The following TBCD variants were observed in gnomAD, a reference collection of about 807,000 sequenced individuals.
The protein encoded by TBCD is tubulin folding cofactor D, also known as tubulin-specific chaperone D.
In TBCD, 105 loss-of-function variants were observed where a neutral mutation model predicts 169.3. The ratio of observed to expected loss-of-function variants is 0.62; its 90% CI spans 0.53 to 0.73. The LOEUF (loss-of-function observed/expected upper bound fraction) is 0.73. Among genes scored for constraint, TBCD ranks in the 30% least tolerant of loss-of-function variants. The pLI, the probability that TBCD is intolerant of heterozygous loss-of-function variation, is 0.00. For missense variants in TBCD, 1,444 were observed against 1,600.1 expected (o/e 0.90, Z 1.66); for synonymous variants, 700 against 643.9 (o/e 1.09, Z -1.32).
intron 2 of TBCD, among the ~76,000 whole-genome samples, chr17:82,762,429 T>G (rs1315257942): frequency 2.0e-5 from 3 of 151,932 alleles, no homozygotes; most frequent in Non-Finnish European, 4.4e-5. Context: ...AATTGCTGAG[T>G]AGCAGAAAGT....
intron 9 of TBCD, 58 bp from the exon 10 acceptor site, chr17:82,805,817 C>T (rs2050917966): frequency 3.2e-6 from 5 of 1,554,118 alleles, no homozygotes; most frequent in Non-Finnish European, 4.4e-6. Context: ...TGACTGGTTC[C>T]AGTCATCAGG....
chr17:82,935,977 G>C (rs953552291), intron 34 of TBCD, among the ~76,000 whole-genome samples: 1 of 152,220 alleles, frequency 6.6e-6, no homozygotes, highest in Non-Finnish European at 1.5e-5. Flanking sequence ...TCAGGCAGCT[G>C]TTTCGTTGTA....
chr17:82,809,798 A>C lies in TBCD; in HGVS notation c.1223+16A>C. On this transcript the variant is annotated intron_variant, in intron 12 of 38. Transcript: ENST00000355528. The stretch of plus-strand genomic sequence containing the variant: ...ACTGCTTCAGGTATGTGAGAAGAGC[A>C]GGGGAGGCGTGTGGGCCTGACCCTG... The C allele has an allele frequency of 6.2e-7, 1 of 1,612,334 alleles. No individual in the cohort carries two copies. The highest frequency in any genetic ancestry group is 2.2e-5 in the East Asian group (1 of 44,818).
At chr17:82,850,386 TG>T in intron 13 of TBCD, among the ~76,000 whole-genome samples, 1 of 150,924 alleles carries the variant, frequency 6.6e-6, no homozygotes, top group Non-Finnish European at 1.5e-5. Flanking sequence ...TTGTTGGCTG[TG>T]CTGTTGTTGG....
At chr17:82,877,343 A>G (rs1438364425) in intron 14 of TBCD, among the ~76,000 whole-genome samples, 1 of 152,202 alleles carries the variant, frequency 6.6e-6, no homozygotes, top group Non-Finnish European at 1.5e-5. Context: ...AATAGCAGTT[A>G]TATAACTTTT....
intron 13 of TBCD, among the ~76,000 whole-genome samples, chr17:82,823,922 C>T (rs774757764): frequency 2.6e-5 from 4 of 152,012 alleles, no homozygotes; most frequent in African/African-American, 4.8e-5. Context: ...AGAAGTCACT[C>T]GCCCCTGATG....
intron 13 of TBCD, among the ~76,000 whole-genome samples, chr17:82,846,335 G>A (rs1352206831): frequency 8.0e-5 from 12 of 150,350 alleles, no homozygotes; most frequent in African/African-American, 3.0e-4. Flanking sequence ...GTGTCCTCTC[G>A]TCCAGCCCTC....
intron 29 of TBCD, 78 bp from the exon 30 acceptor site, chr17:82,927,827 C>A: frequency 7.7e-7 from 1 of 1,304,728 alleles, no homozygotes. Context: ...TTCACACAGG[C>A]TGCCGGCGTG....
intron 13 of TBCD, among the ~76,000 whole-genome samples, chr17:82,819,635 A>T (rs971025783): frequency 1.3e-5 from 2 of 152,168 alleles, no homozygotes; most frequent in Non-Finnish European, 2.9e-5. Flanking sequence ...GTGAGCCATG[A>T]TCGCAGTGCT....
At chr17:82,820,144 A>T (rs1023482509) in intron 13 of TBCD, among the ~76,000 whole-genome samples, 2 of 151,818 alleles carry the variant, frequency 1.3e-5, no homozygotes, top group African/African-American at 4.8e-5. Context: ...TGCCCAGCCA[A>T]TTTTTTTATT....
In TBCD at chr17:82,929,207, C is replaced by T; in HGVS notation, c.2788C>T (p.His930Tyr). 1 of 1,613,968 alleles carries T rather than the reference C, an allele frequency of 6.2e-7. No homozygotes were observed. The highest frequency in any genetic ancestry group is 8.5e-7 in the Non-Finnish European group (1 of 1,179,892). ...CGCCAGCGTGTTCCTGACGCTCCTG[C>T]ACTTTGACAGCCCTCCCATCCCCCA... Reference protein sequence around the residue: ...HAASVFLTLLHFDSPPIPHVP... With the variant: ...HAASVFLTLLYFDSPPIPHVP... The change falls in exon 31 of 39, where the codon CAC (histidine) becomes TAC (tyrosine). Residue 930 changes from histidine to tyrosine, a missense_variant. Coordinates refer to ENST00000355528, the MANE Select transcript of TBCD (RefSeq NM_005993.5).
intron 1 of TBCD, among the ~76,000 whole-genome samples, chr17:82,754,461 G>A (rs901384134): frequency 2.0e-5 from 3 of 152,212 alleles, no homozygotes; most frequent in Non-Finnish European, 4.4e-5. Context: ...ATGGTCTGCA[G>A]GAGTAACTGG....
Position 82,930,825 on chromosome 17 carries a change from G to A in TBCD, c.3113+182G>A, listed in dbSNP as rs930446205. ...GCCTGCAGCATATGGTTCTCCGGGC[G>A]GCCAGGCCTCAGCCCCTGCGCCTCC... On this transcript the variant is annotated intron_variant, in intron 33 of 38. Coordinates refer to ENST00000355528, the MANE Select transcript of TBCD (RefSeq NM_005993.5). The surrounding 1 kb of genome is among the most constrained non-coding windows in gnomAD (Gnocchi z 5.2). Among the ~76,000 whole-genome samples the A allele has an allele frequency of 6.6e-5, 10 of 152,336 alleles. No individual in the cohort carries two copies. Among genetic ancestry groups the A allele is most frequent in the Non-Finnish European group, 1.3e-4 (9 of 68,014 alleles).
intron 13 of TBCD, among the ~76,000 whole-genome samples, chr17:82,852,141 C>G (rs563885126): frequency 1.5e-5 from 2 of 136,212 alleles, no homozygotes; most frequent in African/African-American, 5.3e-5. Flanking sequence ...CCCCAACCCC[C>G]CCGACAGATG....
chr17:82,777,670 T>G (rs748884059), intron 6 of TBCD, among the ~76,000 whole-genome samples: 21 of 152,226 alleles, frequency 1.4e-4, no homozygotes, highest in Admixed American at 3.9e-4. Flanking sequence ...TACTGCTAAC[T>G]AAACGGCAGA....
intron 28 of TBCD, chr17:82,926,918 C>T: frequency 1.8e-6 from 1 of 545,968 alleles, no homozygotes; most frequent in Non-Finnish European, 3.3e-6. Flanking sequence ...CATCCGTTCC[C>T]TCTAGTCAGG....
At chr17:82,894,719 C>T (rs1376109103) in intron 17 of TBCD, among the ~76,000 whole-genome samples, 1 of 152,244 alleles carries the variant, frequency 6.6e-6, no homozygotes, top group African/African-American at 2.4e-5. Flanking sequence ...GATGCAGTGG[C>T]TCATGCCTGT....
chr17:82,776,531 T>C (rs1363996591), intron 6 of TBCD, among the ~76,000 whole-genome samples: 1 of 152,252 alleles, frequency 6.6e-6, no homozygotes, highest in East Asian at 1.9e-4. Flanking sequence ...GTGCACAGCA[T>C]GATCTTAACA....
chr17:82,915,371 A>G lies in TBCD; in HGVS notation c.2038+3582A>G, dbSNP rs1279273508. Among the ~76,000 whole-genome samples the G allele has an allele frequency of 3.3e-5, 5 of 152,176 alleles. No individual in the cohort carries two copies. The highest frequency in any genetic ancestry group is 6.5e-5 in the Admixed American group (1 of 15,280). On this transcript the variant is annotated intron_variant, in intron 23 of 38. Transcript: ENST00000355528. This position sits in a 1 kb window ranked among gnomAD's most constrained non-coding sequence, Gnocchi z 4.3. ...CGTCCCCATATCAAAGAAATGTCAT[A>G]CAGGTTGGCCTTTGTCGTGAATATT...
Sources: gnomAD v4.1 joint callset for allele counts (sites outside exome capture counted in the v4.1 genomes callset) on GRCh38, gnomAD v4.1.1 for gene constraint, Gnocchi (gnomAD v3.1) non-coding constraint, MANE v1.5 for transcripts, NCBI Gene and HGNC (gene_info 2026-07-23, HGNC 2026-07-21) for gene names.